The following PIK3C3 variants were observed in gnomAD, a reference collection of about 807,000 sequenced individuals.
PIK3C3 encodes PI3-kinase type 3.
In PIK3C3, 95 loss-of-function variants were observed where a neutral mutation model predicts 126.1. The ratio of observed to expected loss-of-function variants is 0.75; its 90% CI spans 0.64 to 0.89. PIK3C3 has a LOEUF of 0.89. PIK3C3 is among the 40% of genes least tolerant of loss of function. PIK3C3 has a pLI of 0.00. For synonymous variants in PIK3C3, 374 were observed against 360.0 expected (o/e 1.04, Z -0.44); for missense variants, 829 against 1,063.2 (o/e 0.78, Z 3.06).
At chr18:42,062,783 GA>G (rs1200508053) in intron 22 of PIK3C3, among the ~76,000 whole-genome samples, 6 of 151,872 alleles carry the variant, frequency 4.0e-5, no homozygotes, top group African/African-American at 1.2e-4. Flanking sequence ...TGTCTAAAAC[GA>G]AATTCTTGAA....
Position 41,995,931 on chromosome 18 carries a change from T to A in PIK3C3, c.828T>A (p.Ser276Arg). 1 of 1,613,214 alleles carries A rather than the reference T, an allele frequency of 6.2e-7. No individual in the cohort carries two copies. The highest frequency in any genetic ancestry group is 8.5e-7 in the Non-Finnish European group (1 of 1,179,424). The change falls in exon 8 of 25, where the codon AGT becomes AGA. Residue 276 changes from serine (S) to arginine (R), a missense_variant. Coordinates refer to ENST00000262039, the MANE Select transcript of PIK3C3 (RefSeq NM_002647.4). The stretch of plus-strand genomic sequence containing the variant: ...GCAAACACCACAAGCTTGCCCGGAG[T>A]TTAAGAAGTGGACCTTCTGACCACG... ...VESKHHKLAR[S>R]LRSGPSDHDL...
chr18:42,075,053 T>C (rs1985923946), intron 24 of PIK3C3, among the ~76,000 whole-genome samples: 1 of 152,192 alleles, frequency 6.6e-6, no homozygotes, highest in Non-Finnish European at 1.5e-5. Flanking sequence ...CTTCTTATTT[T>C]ACCACTTTAA....
chr18:41,986,332 G>C (rs1047033818), intron 4 of PIK3C3, among the ~76,000 whole-genome samples: 1 of 152,078 alleles, frequency 6.6e-6, no homozygotes, highest in Non-Finnish European at 1.5e-5. Context: ...GTTCGTACAA[G>C]CAAAGGATGT....
chr18:42,025,475 A>T (rs755848958), intron 13 of PIK3C3: 1 of 152,212 alleles, frequency 6.6e-6, no homozygotes, highest in Non-Finnish European at 1.5e-5. Context: ...CTGCAGCCCC[A>T]CTTCTCTGTC....
chr18:42,070,078 C>G (rs1242088141), intron 24 of PIK3C3, among the ~76,000 whole-genome samples: 1 of 152,126 alleles, frequency 6.6e-6, no homozygotes, highest in Non-Finnish European at 1.5e-5. Context: ...CTTAGGTGTT[C>G]TCTGCATGGA....
intron 3 of PIK3C3, among the ~76,000 whole-genome samples, chr18:41,963,137 T>C (rs1980182171): frequency 6.6e-6 from 1 of 152,194 alleles, no homozygotes; most frequent in Non-Finnish European, 1.5e-5. Flanking sequence ...CTATATCGTT[T>C]TTCTCCTGGG....
chr18:41,990,450 T>A lies in PIK3C3; in HGVS notation c.619-9T>A. 6.8e-7 allele frequency: 1 copy of A among 1,466,696 alleles called. No homozygotes were observed. The allele number at this position is 1,466,696 out of a possible 1,614,324, so 90.9% of individuals were successfully genotyped here. A position where few individuals can be genotyped will look rare whatever the true frequency, so the allele number is the denominator to read the frequency against. On this transcript the variant is annotated splice_polypyrimidine_tract_variant and intron_variant, in intron 5 of 24. Coordinates refer to ENST00000262039, the MANE Select transcript of PIK3C3 (RefSeq NM_002647.4). The stretch of plus-strand genomic sequence containing the variant: ...AATCATTTTTCATGAAAATCATTTT[T>A]TTTTTCAGAGTGAAAAACGAAGTTC...
chr18:42,056,994 T>TG (rs765518864), intron 21 of PIK3C3, among the ~76,000 whole-genome samples: 26 of 151,922 alleles, frequency 1.7e-4, no homozygotes, highest in Admixed American at 2.0e-4. Flanking sequence ...AAGCCCATTT[T>TG]GGGATTCTGA....
chr18:42,030,729 C>T (rs147163353), intron 15 of PIK3C3, among the ~76,000 whole-genome samples: 21 of 152,300 alleles, frequency 1.4e-4, no homozygotes, highest in African/African-American at 4.8e-4. Context: ...CCTGTAGCAC[C>T]TCTCCCCAGA....
chr18:42,040,983 A>C (rs1272061177), intron 19 of PIK3C3, among the ~76,000 whole-genome samples: 1 of 152,096 alleles, frequency 6.6e-6, no homozygotes. Flanking sequence ...TAATTGGTGA[A>C]CACAGCCTGG....
chr18:42,003,067 A>C (rs957282761), intron 9 of PIK3C3, among the ~76,000 whole-genome samples: 1 of 152,210 alleles, frequency 6.6e-6, no homozygotes, highest in African/African-American at 2.4e-5. Flanking sequence ...GTGATGGGCA[A>C]GCCATTTATC....
chr18:42,024,568 T>C (rs1983469476), intron 13 of PIK3C3, among the ~76,000 whole-genome samples: 1 of 151,948 alleles, frequency 6.6e-6, no homozygotes, highest in African/African-American at 2.4e-5. Flanking sequence ...CCCACATAGC[T>C]GGGATTACAG....
intron 18 of PIK3C3, among the ~76,000 whole-genome samples, chr18:42,039,201 G>T (rs191681008): frequency 6.6e-6 from 1 of 152,082 alleles, no homozygotes. Flanking sequence ...GATTCCCTAG[G>T]AATGCTTGCC....
chr18:41,976,047 A>G (rs1045481761), intron 4 of PIK3C3, among the ~76,000 whole-genome samples: 1 of 152,162 alleles, frequency 6.6e-6, no homozygotes, highest in African/African-American at 2.4e-5. Context: ...TTACTTGAAT[A>G]TGCTGGTTGT....
At chr18:41,987,284 C>G (rs950069555) in intron 4 of PIK3C3, among the ~76,000 whole-genome samples, 2 of 152,046 alleles carry the variant, frequency 1.3e-5, no homozygotes, top group Non-Finnish European at 2.9e-5. Flanking sequence ...ACTCTACCAA[C>G]TGCTATTCTA....
chr18:42,078,479 C>A (rs1450574615), intron 24 of PIK3C3, among the ~76,000 whole-genome samples: 1 of 150,892 alleles, frequency 6.6e-6, no homozygotes, highest in Non-Finnish European at 1.5e-5. Context: ...AGATCAAAGG[C>A]AGAGTAGATT....
intron 22 of PIK3C3, among the ~76,000 whole-genome samples, chr18:42,060,658 T>C (rs541406231): frequency 6.6e-6 from 1 of 152,156 alleles, no homozygotes; most frequent in East Asian, 1.9e-4. Flanking sequence ...ACGCTTGTAA[T>C]CTCAGCTACT....
intron 6 of PIK3C3, among the ~76,000 whole-genome samples, chr18:41,991,773 C>T (rs936857179): frequency 2.6e-5 from 4 of 152,082 alleles, no homozygotes; most frequent in Admixed American, 2.6e-4. Context: ...GAAGTGTTAA[C>T]TTGTTTCTGC....
chr18:42,019,806 A>G (rs1351246514), intron 12 of PIK3C3, among the ~76,000 whole-genome samples: 6 of 152,226 alleles, frequency 3.9e-5, no homozygotes, highest in African/African-American at 1.4e-4. Flanking sequence ...TCAAAATACA[A>G]CTATTTCCTC....
Sources: allele counts gnomAD v4.1 joint callset (sites outside exome capture counted in the v4.1 genomes callset), GRCh38; gene constraint gnomAD v4.1.1; transcripts MANE v1.5; gene names NCBI Gene and HGNC (gene_info 2026-07-23, HGNC 2026-07-21).